The following FOXP2 variants were observed in gnomAD, a reference collection of about 807,000 sequenced individuals.
The protein encoded by FOXP2 is forkhead box P2.
FOXP2 carries 12 observed loss-of-function variants against 115.8 expected under a neutral mutation model. That is an observed-to-expected ratio of 0.10 (90% CI 0.07 to 0.17). The LOEUF is 0.17. Among genes scored for constraint, FOXP2 ranks in the 10% least tolerant of loss-of-function variants. FOXP2 has a pLI of 1.00. For synonymous variants in FOXP2, 328 were observed against 297.7 expected (o/e 1.10, Z -1.05); for missense variants, 629 against 843.5 (o/e 0.75, Z 3.15).
chr7:114,459,316 G>C (rs1446334295), intron 2 of FOXP2, among the ~76,000 whole-genome samples: 2 of 152,200 alleles, frequency 1.3e-5, no homozygotes, highest in Non-Finnish European at 2.9e-5. Context: ...CATATTTAGT[G>C]ATGAGCTGCC....
At chr7:114,613,387 T>C (rs1803736104) in intron 3 of FOXP2, among the ~76,000 whole-genome samples, 1 of 152,072 alleles carries the variant, frequency 6.6e-6, no homozygotes, top group Non-Finnish European at 1.5e-5. Context: ...AAGAAATATA[T>C]TTTGGAGGCC....
rs181029433 is a variant in FOXP2 at position 114,545,490 on chromosome 7, A to G, written c.258+10784A>G. On this transcript the variant is annotated intron_variant, in intron 3 of 16. Transcript: ENST00000350908. The stretch of plus-strand genomic sequence containing the variant: ...TCAGTAATGAACTCATTCCCTTCTT[A>G]TCTTTAATTTTTTAAAATAATATCT... 3.6e-4 allele frequency among the ~76,000 whole-genome samples: 55 copies of G among 152,142 alleles called. 1 individual carries two copies. Among genetic ancestry groups the G allele is most frequent in the Middle Eastern group, 6.8e-3 (2 of 294 alleles).
chr7:114,278,495 C>T (rs1196601366), intron 1 of FOXP2, among the ~76,000 whole-genome samples: 1 of 152,106 alleles, frequency 6.6e-6, no homozygotes, highest in East Asian at 1.9e-4. Context: ...GCTGGGATTA[C>T]AGGCACCCAC....
intron 16 of FOXP2, among the ~76,000 whole-genome samples, chr7:114,679,596 A>AAC (rs1290330864): frequency 6.6e-6 from 1 of 151,690 alleles, no homozygotes; most frequent in African/African-American, 2.4e-5. Context: ...CTGCTATTCT[A>AAC]ACACACACAC....
intron 2 of FOXP2, among the ~76,000 whole-genome samples, chr7:114,303,457 C>A (rs1046642388): frequency 6.6e-6 from 1 of 152,136 alleles, no homozygotes; most frequent in African/African-American, 2.4e-5. Context: ...TAGTAGAAGG[C>A]TTGTTTGACC....
intron 1 of FOXP2, among the ~76,000 whole-genome samples, chr7:114,093,694 G>T (rs577669269): frequency 6.6e-6 from 1 of 151,484 alleles, no homozygotes; most frequent in African/African-American, 2.4e-5. Flanking sequence ...GTTCGTTACT[G>T]GCAAAGTCAT....
chr7:114,513,851 A>T (rs540298472), intron 2 of FOXP2, among the ~76,000 whole-genome samples: 50 of 152,162 alleles, frequency 3.3e-4, no homozygotes, highest in African/African-American at 1.2e-3. Context: ...GCTTTTTTAT[A>T]TATCACAAAC....
At chr7:114,306,854 G>A (rs6964117) in intron 2 of FOXP2, among the ~76,000 whole-genome samples, 2,037 of 152,130 alleles carry the variant, frequency 0.013, 38 homozygotes, top group African/African-American at 0.038. Flanking sequence ...TTCAAAGCCA[G>A]CAATGACTGG....
At chr7:114,610,616 C>T (rs1159795034) in intron 3 of FOXP2, among the ~76,000 whole-genome samples, 1 of 151,936 alleles carries the variant, frequency 6.6e-6, no homozygotes, top group South Asian at 2.1e-4. Context: ...CCTTATTGAA[C>T]ACCAGGTTCA....
At chr7:114,671,938 A>T (rs1807506549) in intron 16 of FOXP2, among the ~76,000 whole-genome samples, 1 of 152,226 alleles carries the variant, frequency 6.6e-6, no homozygotes, top group African/African-American at 2.4e-5. Context: ...CACAGAAGTA[A>T]CATGTTATAC....
intron 2 of FOXP2, among the ~76,000 whole-genome samples, chr7:114,469,963 G>A (rs1307299998): frequency 1.3e-5 from 2 of 152,056 alleles, no homozygotes; most frequent in South Asian, 4.1e-4. Flanking sequence ...AGTCCATATT[G>A]TTCTTAATTA....
intron 1 of FOXP2, among the ~76,000 whole-genome samples, chr7:114,245,412 T>C (rs564137991): frequency 3.3e-5 from 5 of 152,346 alleles, no homozygotes; most frequent in South Asian, 4.1e-4. Flanking sequence ...TTAGCATATA[T>C]GAAATATGTG....
intron 2 of FOXP2, among the ~76,000 whole-genome samples, chr7:114,347,162 A>G (rs958936489): frequency 6.6e-6 from 1 of 151,982 alleles, no homozygotes; most frequent in Non-Finnish European, 1.5e-5. Context: ...TATGAAAAAC[A>G]TAATTAACAT....
At chr7:114,273,232 A>G (rs1215515865) in intron 1 of FOXP2, among the ~76,000 whole-genome samples, 1 of 152,106 alleles carries the variant, frequency 6.6e-6, no homozygotes, top group East Asian at 1.9e-4. Context: ...TTTAATCTCT[A>G]CATATTTTGG....
chr7:114,692,582 A>G lies in FOXP2; in HGVS notation c.*2656A>G, dbSNP rs1285756924. Reference sequence around the variant, plus strand: ...TACTCTTATATCATTGCTTGCTAGTAATAGCAAATCTGCTTTTCTGCATCT... The same window carrying G: ...TACTCTTATATCATTGCTTGCTAGTGATAGCAAATCTGCTTTTCTGCATCT... On this transcript the variant is annotated 3_prime_UTR_variant, in exon 17 of 17. Coordinates refer to ENST00000350908, the MANE Select transcript of FOXP2 (RefSeq NM_014491.4). 1 of 452,250 alleles carries G rather than the reference A, an allele frequency of 2.2e-6. No individual in the cohort carries two copies. Among genetic ancestry groups the G allele is most frequent in the African/African-American group, 2.0e-5 (1 of 49,884 alleles). 28.0% of individuals were successfully genotyped at this position (452,250 alleles called of 1,614,324 possible). A position where few individuals can be genotyped will look rare whatever the true frequency, so the allele number is the denominator to read the frequency against.
At chr7:114,531,428 T>G (rs1321145591) in intron 2 of FOXP2, among the ~76,000 whole-genome samples, 1 of 151,928 alleles carries the variant, frequency 6.6e-6, no homozygotes, top group African/African-American at 2.4e-5. Flanking sequence ...GAACTAAATG[T>G]CATCTAATTG....
At chr7:114,663,960 A>C (rs1427612114) in intron 15 of FOXP2, among the ~76,000 whole-genome samples, 1 of 152,190 alleles carries the variant, frequency 6.6e-6, no homozygotes, top group Non-Finnish European at 1.5e-5. Context: ...ATTTTTAAAA[A>C]GCAGAGCAAC....
intron 3 of FOXP2, among the ~76,000 whole-genome samples, chr7:114,598,397 A>G (rs1242547710): frequency 1.3e-5 from 2 of 152,262 alleles, no homozygotes; most frequent in Non-Finnish European, 2.9e-5. Flanking sequence ...TTACAACAGA[A>G]GAATTGGATT....
intron 1 of FOXP2, among the ~76,000 whole-genome samples, chr7:114,209,084 G>T (rs572556853): frequency 6.6e-6 from 1 of 152,120 alleles, no homozygotes; most frequent in African/African-American, 2.4e-5. Context: ...GTGTTGGAGC[G>T]ATCAGATGGA....
Sources: allele counts gnomAD v4.1 joint callset (sites outside exome capture counted in the v4.1 genomes callset), GRCh38; gene constraint gnomAD v4.1.1; transcripts MANE v1.5; gene names NCBI Gene and HGNC (gene_info 2026-07-23, HGNC 2026-07-21).